The following CYTH1 variants were observed in gnomAD, a reference collection of about 807,000 sequenced individuals.
CYTH1 encodes the protein cytohesin-1.
In CYTH1, 18 loss-of-function variants were observed where a neutral mutation model predicts 61.8. That is an observed-to-expected ratio of 0.29 (90% CI 0.20 to 0.43). The LOEUF (loss-of-function observed/expected upper bound fraction) is 0.43. Among genes scored for constraint, CYTH1 ranks in the 20% least tolerant of loss-of-function variants. CYTH1 has a pLI of 1.00. For synonymous variants in CYTH1, 174 were observed against 184.3 expected (o/e 0.94, Z 0.45); for missense variants, 336 against 510.5 (o/e 0.66, Z 3.29).
chr17:78,749,587 G>A (rs983727001), intron 1 of CYTH1, among the ~76,000 whole-genome samples: 3 of 151,882 alleles, frequency 2.0e-5, no homozygotes, highest in Non-Finnish European at 4.4e-5. Flanking sequence ...CTATGATCAT[G>A]CCATTATATT....
Position 78,698,701 on chromosome 17 carries a change from CA to C in CYTH1, c.699+118del, listed in dbSNP as rs2092973359. On this transcript the variant is annotated intron_variant, in intron 8 of 13. Coordinates refer to ENST00000446868, the MANE Select transcript of CYTH1 (RefSeq NM_004762.6). ...TCTTAATGAAATTCACATGGTTAAA[CA>C]AATTAAAAGAGGAGACCCTTGATAA... 2.5e-6 allele frequency: 3 copies of C among 1,179,268 alleles called. No individual in the cohort carries two copies. In the African/African-American group the frequency reaches 5.1e-5, roughly 20 times the overall value. 73.1% of individuals were successfully genotyped at this position (1,179,268 alleles called of 1,614,324 possible). A position where few individuals can be genotyped will look rare whatever the true frequency, so the allele number is the denominator to read the frequency against.
intron 1 of CYTH1, among the ~76,000 whole-genome samples, chr17:78,714,861 GA>G (rs1011100756): frequency 2.0e-5 from 3 of 150,546 alleles, no homozygotes; most frequent in Admixed American, 2.0e-4. Context: ...TAATTAGGGG[GA>G]AAAAAGAAAG....
At chr17:78,694,863 T>C (rs1192846476) in intron 10 of CYTH1, among the ~76,000 whole-genome samples, 12 of 152,050 alleles carry the variant, frequency 7.9e-5, no homozygotes. Context: ...CCATAAAGCA[T>C]CACTGTGGGC....
chr17:78,715,558 C>A (rs1192431023), intron 1 of CYTH1, among the ~76,000 whole-genome samples: 1 of 152,116 alleles, frequency 6.6e-6, no homozygotes, highest in African/African-American at 2.4e-5. Flanking sequence ...GACTCGAAAC[C>A]AGAGAATGAA....
At chr17:78,771,001 A>G (rs772743430) in intron 1 of CYTH1, among the ~76,000 whole-genome samples, 2 of 152,138 alleles carry the variant, frequency 1.3e-5, no homozygotes, top group East Asian at 1.9e-4. Context: ...AGTAGCTCAC[A>G]TCGGTAATCC....
Position 78,675,775 on chromosome 17 carries a change from T to G in CYTH1, c.*316A>C, listed in dbSNP as rs532131703. 3 of 1,064,462 alleles carry G rather than the reference T, an allele frequency of 2.8e-6. No homozygotes were observed. In the African/African-American group the frequency reaches 4.8e-5, roughly 17 times the overall value. 65.9% of individuals were successfully genotyped at this position (1,064,462 alleles called of 1,614,324 possible). On this transcript the variant is annotated 3_prime_UTR_variant, in exon 14 of 14. Transcript: ENST00000446868. ...ACGGGGACAACCAAGAGGTAAACAG[T>G]TGGCTCTGAGCTCTGCTACCAGAAC...
At position 78,698,168 on chromosome 17, in the gene CYTH1, AACACGCACACGCGCAC is replaced by A. The variant is rs1018669588; in HGVS notation, c.811+85_811+100del. On this transcript the variant is annotated intron_variant, in intron 9 of 13. Coordinates refer to ENST00000446868, the MANE Select transcript of CYTH1 (RefSeq NM_004762.6). ...GCACGCGCACACATGCACACGCACA[AACACGCACACGCGCAC>A]ACACGCACGCACGCACACACGCACA... The A allele has an allele frequency of 3.1e-5, 30 of 983,424 alleles. No individual in the cohort carries two copies. The African/African-American group carries it at 3.3e-4, about 11-fold the overall frequency. The allele number at this position is 983,424 out of a possible 1,614,324, so 60.9% of individuals were successfully genotyped here.
chr17:78,727,053 G>C (rs1023661791), intron 1 of CYTH1, among the ~76,000 whole-genome samples: 2 of 152,226 alleles, frequency 1.3e-5, no homozygotes, highest in African/African-American at 4.8e-5. Context: ...CAAGGGCAAT[G>C]TGCATCAATC....
Position 78,690,393 on chromosome 17 carries a change from C to CAAAAAAAAAAAAAAAAAA in CYTH1, c.891+2006_891+2023dup, listed in dbSNP as rs60663636. 6.7e-4 allele frequency among the ~76,000 whole-genome samples: 19 copies of CAAAAAAAAAAAAAAAAAA among 28,312 alleles called. 6 individuals carry two copies. Among genetic ancestry groups the CAAAAAAAAAAAAAAAAAA allele is most frequent in the South Asian group, 2.0e-3 (1 of 504 alleles). 18.6% of individuals were successfully genotyped at this position (28,312 alleles called of 152,430 possible). A position where few individuals can be genotyped will look rare whatever the true frequency, so the allele number is the denominator to read the frequency against. On this transcript the variant is annotated intron_variant, in intron 11 of 13. Transcript: ENST00000446868. ...TGGGCAACAGAGCGAGACTCCATCTCAAAAAAAAAAAAAAAAAAAAAAAAA... is the reference window on the plus strand; with the variant it reads ...TGGGCAACAGAGCGAGACTCCATCTCAAAAAAAAAAAAAAAAAAAAAAAAAAAAAAAAAAAAAAAAAAA...
rs540282132 is a variant in CYTH1 at position 78,749,657 on chromosome 17, T to A, written c.22+32545A>T. 5.4e-3 allele frequency among the ~76,000 whole-genome samples: 807 copies of A among 149,972 alleles called. 10 individuals carry two copies. The highest frequency in any genetic ancestry group is 0.019 in the African/African-American group (746 of 40,248). ...AAAAAATAATAATAACAAATAAAAATAAAAAAATAAAAAAAAACCTAACTA... is the reference window on the plus strand; with the variant it reads ...AAAAAATAATAATAACAAATAAAAAAAAAAAAATAAAAAAAAACCTAACTA... On this transcript the variant is annotated intron_variant, in intron 1 of 13. Coordinates refer to ENST00000446868, the MANE Select transcript of CYTH1 (RefSeq NM_004762.6).
At chr17:78,779,400 C>CAAA (rs56061178) in intron 1 of CYTH1, among the ~76,000 whole-genome samples, 43 of 84,082 alleles carry the variant, frequency 5.1e-4, no homozygotes, top group Non-Finnish European at 6.0e-4. Context: ...AACTCCATCT[C>CAAA]AAAAAAAAAA....
intron 1 of CYTH1, among the ~76,000 whole-genome samples, chr17:78,714,438 A>G (rs941076097): frequency 1.3e-5 from 2 of 152,224 alleles, no homozygotes; most frequent in Non-Finnish European, 2.9e-5. Flanking sequence ...CTAAGTGCTA[A>G]TATCTTCTAG....
chr17:78,771,029 G>A (rs780947822), intron 1 of CYTH1, among the ~76,000 whole-genome samples: 3 of 152,108 alleles, frequency 2.0e-5, no homozygotes, highest in African/African-American at 4.8e-5. Flanking sequence ...TTGGGAGGCC[G>A]AGGTGGACAG....
chr17:78,770,845 T>C (rs1009058221), intron 1 of CYTH1, among the ~76,000 whole-genome samples: 1 of 152,032 alleles, frequency 6.6e-6, no homozygotes, highest in African/African-American at 2.4e-5. Context: ...AGGTAGAAAA[T>C]GGCCAAGTGC....
At chr17:78,749,373 T>C (rs944169862) in intron 1 of CYTH1, among the ~76,000 whole-genome samples, 1 of 152,140 alleles carries the variant, frequency 6.6e-6, no homozygotes, top group African/African-American at 2.4e-5. Flanking sequence ...GACAGGAGAA[T>C]TGCTTGAACC....
chr17:78,715,102 C>T (rs1165736255), intron 1 of CYTH1, among the ~76,000 whole-genome samples: 1 of 151,832 alleles, frequency 6.6e-6, no homozygotes, highest in Non-Finnish European at 1.5e-5. Context: ...ATTTTTAAAT[C>T]CCACAGAGAA....
At chr17:78,747,687 T>C (rs977687951) in intron 1 of CYTH1, among the ~76,000 whole-genome samples, 1 of 152,210 alleles carries the variant, frequency 6.6e-6, no homozygotes, top group African/African-American at 2.4e-5. Context: ...GGCACAATGT[T>C]TTCTATGTTC....
chr17:78,701,778 G>C, intron 5 of CYTH1, 27 bp from the exon 6 acceptor site: 1 of 1,607,446 alleles, frequency 6.2e-7, no homozygotes, highest in Non-Finnish European at 8.5e-7. Context: ...AAAAATGGGA[G>C]AGAAAGCAGG....
intron 3 of CYTH1, among the ~76,000 whole-genome samples, chr17:78,705,480 G>A (rs1284336410): frequency 1.3e-5 from 2 of 152,104 alleles, no homozygotes; most frequent in East Asian, 1.9e-4. Flanking sequence ...TAACTGACGC[G>A]TATACATTTC....
Sources: allele counts gnomAD v4.1 joint callset (sites outside exome capture counted in the v4.1 genomes callset), GRCh38; gene constraint gnomAD v4.1.1; transcripts MANE v1.5; gene names NCBI Gene and HGNC (gene_info 2026-07-23, HGNC 2026-07-21).